The following CCDC187 variants were observed in gnomAD, a reference collection of about 807,000 sequenced individuals.
CCDC187 encodes the protein coiled-coil domain containing 187, also known as coiled-coil domain-containing protein 187.
A neutral mutation model predicts 38.0 loss-of-function variants in CCDC187; 32 were observed. The ratio of observed to expected loss-of-function variants is 0.84; its 90% confidence interval spans 0.64 to 1.13. The LOEUF (loss-of-function observed/expected upper bound fraction) is 1.13. Ranked by LOEUF, CCDC187 falls within the 50% of genes most tolerant of loss-of-function variation. The pLI, the probability that CCDC187 is intolerant of heterozygous loss-of-function variation, is 0.00. For missense variants in CCDC187, 707 were observed against 786.8 expected, an observed-to-expected ratio of 0.90 and a Z score of 1.21; for synonymous variants, 333 against 347.9, an observed-to-expected ratio of 0.96 and a Z score of 0.48.
chr9:136,279,238 C>CCCTGG (rs1830992773), intron 10 of CCDC187, among the ~76,000 whole-genome samples: 7 of 152,066 alleles, frequency 4.6e-5, no homozygotes, highest in African/African-American at 1.2e-4. Context: ...CATTGGACAG[C>CCCTGG]TCTGGTCTGG....
intron 4 of CCDC187, among the ~76,000 whole-genome samples, chr9:136,294,844 T>C (rs1831495622): frequency 6.6e-6 from 1 of 152,144 alleles, no homozygotes; most frequent in African/African-American, 2.4e-5. Flanking sequence ...CTTAAGGCCA[T>C]ACACTGTCTA....
intron 14 of CCDC187, among the ~76,000 whole-genome samples, chr9:136,270,347 A>G (rs1334016417): frequency 2.6e-5 from 4 of 152,188 alleles, no homozygotes; most frequent in Non-Finnish European, 4.4e-5. Flanking sequence ...AGTCTTAATC[A>G]CTGAGTCGTC....
chr9:136,297,133 C>T (rs1031104253), intron 4 of CCDC187, among the ~76,000 whole-genome samples: 10 of 150,354 alleles, frequency 6.7e-5, no homozygotes, highest in African/African-American at 9.7e-5. Context: ...TCTGAAGAGC[C>T]GTGAGCTGCA....
intron 10 of CCDC187, among the ~76,000 whole-genome samples, chr9:136,278,063 C>A (rs1830967539): frequency 6.6e-6 from 1 of 152,196 alleles, no homozygotes; most frequent in East Asian, 1.9e-4. Context: ...ACCCCCGTGG[C>A]CCCCATCTAA....
At chr9:136,283,699 G>A (rs1254946911) in intron 9 of CCDC187, among the ~76,000 whole-genome samples, 1 of 152,212 alleles carries the variant, frequency 6.6e-6, no homozygotes, top group Non-Finnish European at 1.5e-5. Context: ...CTGCACCCAG[G>A]CTGTGCCAGG....
At chr9:136,271,469 C>T (rs569160546) in intron 14 of CCDC187, among the ~76,000 whole-genome samples, 14 of 151,832 alleles carry the variant, frequency 9.2e-5, no homozygotes, top group African/African-American at 2.4e-4. Context: ...TGCAGTGAGC[C>T]GAGATTGTGC....
rs1475417806 is a variant in CCDC187 at position 136,251,004 on chromosome 9, T to C, written c.*2590A>G. The C allele has an allele frequency of 2.2e-6, 1 of 456,166 alleles. No individual in the cohort carries two copies. The highest frequency in any genetic ancestry group is 4.4e-6 in the Non-Finnish European group (1 of 226,926). The allele number at this position is 456,166 out of a possible 1,614,324, so 28.3% of individuals were successfully genotyped here. ...CCTGTGACCTGGCATCTTAGGGCTT[T>C]GCCACGCCAGCTTTGTGATGCCTCC... On this transcript the variant is annotated 3_prime_UTR_variant, in exon 26 of 26. Coordinates refer to ENST00000638797, the MANE Select transcript of CCDC187 (RefSeq NM_001378188.1).
At chr9:136,283,327 G>A (rs910817481) in intron 9 of CCDC187, among the ~76,000 whole-genome samples, 3 of 152,392 alleles carry the variant, frequency 2.0e-5, no homozygotes, top group African/African-American at 4.8e-5. Flanking sequence ...GAGGCTCAGC[G>A]TGGGAAACGC....
chr9:136,276,208 T>G lies in CCDC187; in HGVS notation c.3211A>C (p.Arg1071=), dbSNP rs934888285. The G allele has an allele frequency of 0.11, 16,350 of 152,186 alleles. 1,181 individuals carry two copies. The highest frequency in any genetic ancestry group is 0.19 in the Admixed American group (2,916 of 15,292). The allele number at this position is 152,186 out of a possible 1,614,324, so 9.4% of individuals were successfully genotyped here. The change falls in exon 12 of 26, where the codon AGG becomes CGG. Residue 1071 remains arginine, a synonymous_variant. Coordinates refer to ENST00000638797, the MANE Select transcript of CCDC187 (RefSeq NM_001378188.1). ...GCGGCTGCTACCTCCAGCCGCCTCC[T>G]GAAGAGCAGCCCATCCAGGGTCTGC... ...TQQTLDGLLF[R]RRLEQLMERH... is the part of the protein sequence containing the mutation.
At position 136,255,146 on chromosome 9, in the gene CCDC187, G is replaced by C; in HGVS notation, c.4694-12C>G. On this transcript the variant is annotated splice_polypyrimidine_tract_variant and intron_variant, in intron 25 of 25. Transcript: ENST00000638797. ...GACCACAGGAGCTGCTAAGAGAGGG[G>C]GCAATCAACAGTGGTCACCCTCTGC... is the stretch of plus-strand genomic sequence containing the variant. 1.0e-6 allele frequency: 1 copy of C among 984,580 alleles called. No homozygotes were observed. Among genetic ancestry groups the C allele is most frequent in the Non-Finnish European group, 1.2e-6 (1 of 829,196 alleles). The allele number at this position is 984,580 out of a possible 1,614,324, so 61.0% of individuals were successfully genotyped here.
chr9:136,277,314 G>A (rs1474059552), intron 10 of CCDC187, among the ~76,000 whole-genome samples: 1 of 121,302 alleles, frequency 8.2e-6, no homozygotes, highest in Admixed American at 8.2e-5. Flanking sequence ...GGGTGTGAAC[G>A]GGGTGGGTGG....
At chr9:136,299,358 G>A (rs1419788834) in intron 3 of CCDC187, among the ~76,000 whole-genome samples, 3 of 152,108 alleles carry the variant, frequency 2.0e-5, no homozygotes, top group Non-Finnish European at 2.9e-5. Context: ...CCACCGACCT[G>A]GACCCACCCG....
intron 19 of CCDC187, among the ~76,000 whole-genome samples, chr9:136,260,838 G>C (rs894696218): frequency 6.6e-6 from 1 of 152,202 alleles, no homozygotes; most frequent in African/African-American, 2.4e-5. Context: ...TCCCAAGGTA[G>C]ATGCAGCTGA....
chr9:136,260,400 G>T, intron 19 of CCDC187, 136 bp from the exon 20 acceptor site: 1 of 457,502 alleles, frequency 2.2e-6, no homozygotes, highest in Non-Finnish European at 2.9e-6. Context: ...GCTGTGGTCA[G>T]TGGCCAAGCA....
chr9:136,259,417 C>T lies in CCDC187; in HGVS notation c.4242G>A (p.Leu1414=), dbSNP rs1474111895. ...CCGGGGGGCTCACGTGCTGCAGGCC[C>T]AGCAGAGGGGCCCGAGGCTGCTCCC... ...EPGEQPRAPL[L]GLQHVSPPDG... is the part of the protein sequence containing the mutation. The change falls in exon 21 of 26, where the codon CTG becomes CTA. Residue 1414 remains leucine (L), a synonymous_variant. Coordinates refer to ENST00000638797, the MANE Select transcript of CCDC187 (RefSeq NM_001378188.1). 4.1e-6 allele frequency: 4 copies of T among 985,458 alleles called. No individual in the cohort carries two copies. In the African/African-American group the frequency reaches 7.0e-5, roughly 17 times the overall value. 61.0% of individuals were successfully genotyped at this position (985,458 alleles called of 1,614,324 possible). A position where few individuals can be genotyped will look rare whatever the true frequency, so the allele number is the denominator to read the frequency against.
intron 4 of CCDC187, among the ~76,000 whole-genome samples, chr9:136,294,231 C>T (rs1259769807): frequency 4.6e-5 from 7 of 151,864 alleles, no homozygotes; most frequent in South Asian, 2.1e-4. Context: ...CATATACACA[C>T]GCCCTCACGT....
chr9:136,267,621 C>T (rs936920710), intron 15 of CCDC187, 110 bp from the exon 16 acceptor site: 1 of 985,212 alleles, frequency 1.0e-6, no homozygotes, highest in Non-Finnish European at 1.2e-6. Context: ...TAGACCGCTC[C>T]CAGCACAGGC....
chr9:136,257,563 C>T lies in CCDC187; in HGVS notation c.4367-722G>A, dbSNP rs562794206. On this transcript the variant is annotated intron_variant, in intron 22 of 25. Coordinates refer to ENST00000638797, the MANE Select transcript of CCDC187 (RefSeq NM_001378188.1). The surrounding 1 kb of genome is among the most constrained non-coding windows in gnomAD (Gnocchi z 4.5). Reference sequence around the variant, plus strand: ...CACAGCAAGGCCACCAGTGCACCGCCGGGGATCACAAAGGGGGACAAAGGG... The same window carrying T: ...CACAGCAAGGCCACCAGTGCACCGCTGGGGATCACAAAGGGGGACAAAGGG... 3.3e-3 allele frequency among the ~76,000 whole-genome samples: 509 copies of T among 152,158 alleles called. 1 individual carries two copies. Among genetic ancestry groups the T allele is most frequent in the African/African-American group, 8.3e-3 (343 of 41,508 alleles).
chr9:136,258,870 G>C lies in CCDC187; in HGVS notation c.4366+62C>G, dbSNP rs1205152194. The C allele has an allele frequency of 2.0e-6, 2 of 985,432 alleles. No homozygotes were observed. The highest frequency in any genetic ancestry group is 2.4e-6 in the Non-Finnish European group (2 of 830,016). 61.0% of individuals were successfully genotyped at this position (985,432 alleles called of 1,614,324 possible). A position where few individuals can be genotyped will look rare whatever the true frequency, so the allele number is the denominator to read the frequency against. ...TGAGCTCCAGCCTCGGACAGGCTCT[G>C]CTGGATGTGGGGGAAGTGTCTGGCG... On this transcript the variant is annotated intron_variant, in intron 22 of 25. Transcript: ENST00000638797. This position sits in a 1 kb window ranked among gnomAD's most constrained non-coding sequence, Gnocchi z 4.3.
Sources: gnomAD v4.1 joint callset for allele counts (sites outside exome capture counted in the v4.1 genomes callset) on GRCh38, gnomAD v4.1.1 for gene constraint, Gnocchi (gnomAD v3.1) non-coding constraint, MANE v1.5 for transcripts, NCBI Gene and HGNC (gene_info 2026-07-23, HGNC 2026-07-21) for gene names.